Variants in EP300 observed in about 807,000 individuals in gnomAD.
The protein encoded by EP300 is EP300 lysine acetyltransferase.
In EP300, 31 loss-of-function variants were observed where a neutral mutation model predicts 264.0. The ratio of observed to expected loss-of-function variants is 0.12; its 90% confidence interval spans 0.09 to 0.16. The LOEUF (loss-of-function observed/expected upper bound fraction) is 0.16, where lower values mean the gene tolerates loss of function less well. EP300 is among the 10% of genes least tolerant of loss of function. The pLI is 1.00. For missense variants in EP300, 2,766 were observed against 3,052.9 expected (o/e 0.91, Z 2.21); for synonymous variants, 1,340 against 1,045.4 (o/e 1.28, Z -5.44).
At chr22:41,164,927 G>T (rs2059126329) in intron 22 of EP300, among the ~76,000 whole-genome samples, 1 of 152,122 alleles carries the variant, frequency 6.6e-6, no homozygotes. Context: ...AAGGAAGCGG[G>T]TATATGGGAC....
chr22:41,167,040 G>A (rs771719034), intron 23 of EP300, among the ~76,000 whole-genome samples: 1 of 152,124 alleles, frequency 6.6e-6, no homozygotes. Flanking sequence ...CTGTCCCCCA[G>A]GCTGCACAGT....
At chr22:41,153,552 C>A (rs921077765) in intron 16 of EP300, among the ~76,000 whole-genome samples, 5 of 152,044 alleles carry the variant, frequency 3.3e-5, no homozygotes, top group African/African-American at 9.7e-5. Flanking sequence ...GAGTTCAAGA[C>A]CAGCCTGGCC....
intron 10 of EP300, among the ~76,000 whole-genome samples, chr22:41,143,397 A>G (rs2058993686): frequency 6.6e-6 from 1 of 152,224 alleles, no homozygotes; most frequent in Non-Finnish European, 1.5e-5. Flanking sequence ...GGCTGCAGTG[A>G]GCTGTGATTG....
At chr22:41,116,054 TGGG>T in intron 1 of EP300, among the ~76,000 whole-genome samples, 1 of 152,026 alleles carries the variant, frequency 6.6e-6, no homozygotes, top group Non-Finnish European at 1.5e-5. Flanking sequence ...CTAAGGAACT[TGGG>T]AATATTAATA....
At position 41,156,271 on chromosome 22, in the gene EP300, C is replaced by T. The variant is rs569305030; in HGVS notation, c.3262-898C>T. On this transcript the variant is annotated intron_variant, in intron 17 of 30. Coordinates refer to ENST00000263253, the MANE Select transcript of EP300 (RefSeq NM_001429.4). ...CAGATGATCCACCCACCTCGGCCTC[C>T]CAGAATGCCCAGATTACAGGCGTGA... 1.3e-5 allele frequency among the ~76,000 whole-genome samples: 2 copies of T among 152,248 alleles called. 1 individual carries two copies. The highest frequency in any genetic ancestry group is 4.1e-4 in the South Asian group (2 of 4,826).
intron 22 of EP300, 53 bp downstream of exon 22, chr22:41,164,183 A>T: frequency 6.6e-7 from 1 of 1,517,006 alleles, no homozygotes; most frequent in Non-Finnish European, 9.2e-7. Flanking sequence ...CGTGAATATT[A>T]ACAAGTTTTT....
intron 14 of EP300, 24 bp downstream of exon 14, chr22:41,150,222 C>T: frequency 6.3e-7 from 1 of 1,585,280 alleles, no homozygotes; most frequent in Non-Finnish European, 8.6e-7. Context: ...TGGATTTAGG[C>T]AGAATCATTA....
chr22:41,178,891 G>A lies in EP300; in HGVS notation c.7180G>A (p.Gly2394Arg), dbSNP rs2145524582. Residue 2394 changes from glycine (G) to arginine (R), a missense_variant, in exon 31 of 31, where the codon GGA (glycine) becomes AGA (arginine). Transcript: ENST00000263253. Reference protein sequence around the residue: ...NLHGASATDLGLSTDNSDLNS... With the variant: ...NLHGASATDLRLSTDNSDLNS... ...CCATGGTGCAAGCGCCACGGACCTG[G>A]GACTCAGCACCGATAACTCAGACTT... 6.2e-7 allele frequency: 1 copy of A among 1,614,120 alleles called. No individual in the cohort carries two copies. Among genetic ancestry groups the A allele is most frequent in the Non-Finnish European group, 8.5e-7 (1 of 1,180,024 alleles).
At position 41,151,814 on chromosome 22, in the gene EP300, C is replaced by A. The variant is rs778273598; in HGVS notation, c.2818-19C>A. 1 of 1,613,586 alleles carries A rather than the reference C, an allele frequency of 6.2e-7. No individual in the cohort carries two copies. The highest frequency in any genetic ancestry group is 1.7e-5 in the Admixed American group (1 of 59,986). On this transcript the variant is annotated intron_variant, in intron 14 of 30. Transcript: ENST00000263253. ...GACTCTGCGTGTGTCTCACCTACTT[C>A]CCTTTTTTTTCTGCCCAGCTTTCCC... is the stretch of plus-strand genomic sequence containing the variant.
intron 19 of EP300, 198 bp from the exon 20 acceptor site, chr22:41,160,441 CAAA>C (rs914539587): frequency 2.6e-6 from 1 of 387,838 alleles, no homozygotes; most frequent in Non-Finnish European, 4.7e-6. Flanking sequence ...CAAAAAAAAA[CAAA>C]AAAACAAACA....
rs571261066 is a variant in EP300, at chr22:41,119,871, G to A, written c.729+2050G>A. ...TTGCTGTTGCCCATGCTGGAGTGCA[G>A]TGGCGTGATCTTGGATCACTGCAAC... is the stretch of plus-strand genomic sequence containing the variant. On this transcript the variant is annotated intron_variant, in intron 2 of 30. Coordinates refer to ENST00000263253, the MANE Select transcript of EP300 (RefSeq NM_001429.4). Among the ~76,000 whole-genome samples the A allele has an allele frequency of 3.3e-5, 5 of 152,274 alleles. No homozygotes were observed. The East Asian group carries it at 9.6e-4, about 29-fold the overall frequency.
chr22:41,154,878 G>C lies in EP300; in HGVS notation c.3143-117G>C, dbSNP rs1044996369. On this transcript the variant is annotated intron_variant, in intron 16 of 30. Transcript: ENST00000263253. ...CTGTAGTGATATTTCCATGGGGACA[G>C]AGTGGTTAATTTTGTTATTGATTCT... The C allele has an allele frequency of 8.1e-6, 6 of 742,940 alleles. No homozygotes were observed. The African/African-American group carries it at 8.7e-5, about 11-fold the overall frequency. 46.0% of individuals were successfully genotyped at this position (742,940 alleles called of 1,614,324 possible). A position where few individuals can be genotyped will look rare whatever the true frequency, so the allele number is the denominator to read the frequency against.
chr22:41,117,808 C>T lies in EP300; in HGVS notation c.716C>T (p.Pro239Leu). The change falls in exon 2 of 31, where the codon CCC becomes CTC. Residue 239 changes from proline to leucine, a missense_variant. By Grantham distance (98) the Pro-to-Leu change is moderately conservative (BLOSUM62 -3). Transcript: ENST00000263253. ...GGAGGACAAACAGGATTGAGAGGCC[C>T]CCAGCCTCTTAAGGTAAGTACAGTT... ...QMGGQTGLRG[P>L]QPLKMGMMNN... The T allele has an allele frequency of 1.9e-6, 3 of 1,614,010 alleles. No homozygotes were observed. Among genetic ancestry groups the T allele is most frequent in the East Asian group, 2.2e-5 (1 of 44,884 alleles).
intron 1 of EP300, among the ~76,000 whole-genome samples, chr22:41,102,592 G>T (rs1315040126): frequency 2.0e-5 from 3 of 152,162 alleles, no homozygotes; most frequent in Non-Finnish European, 2.9e-5. Context: ...GGATGGGGCA[G>T]AATTGTGCTT....
chr22:41,117,275 T>C lies in EP300; in HGVS notation c.183T>C (p.Ile61=), dbSNP rs1192337427. ...TELGLTNGGD[I]NQLQTSLGMV... ...TGGGACTAACCAATGGTGGTGATAT[T>C]AATCAGCTTCAGACAAGTCTTGGCA... Residue 61 remains isoleucine, a synonymous_variant, in exon 2 of 31, where the codon ATT becomes ATC. Transcript: ENST00000263253. 1 of 1,614,084 alleles carries C rather than the reference T, an allele frequency of 6.2e-7. No homozygotes were observed. Among genetic ancestry groups the C allele is most frequent in the African/African-American group, 1.3e-5 (1 of 74,920 alleles).
At chr22:41,138,557 T>C (rs1396319242) in intron 8 of EP300, among the ~76,000 whole-genome samples, 3 of 152,128 alleles carry the variant, frequency 2.0e-5, no homozygotes, top group Non-Finnish European at 2.9e-5. Context: ...TTTTGAGAAG[T>C]TGATATATTT....
intron 1 of EP300, among the ~76,000 whole-genome samples, chr22:41,112,931 T>G (rs1426320375): frequency 2.0e-5 from 3 of 152,080 alleles, no homozygotes; most frequent in Non-Finnish European, 4.4e-5. Context: ...CCTTCCCCCC[T>G]TTTTTGCTGG....
At position 41,131,285 on chromosome 22, in the gene EP300, A is replaced by G; in HGVS notation, c.1283-103A>G. 3.9e-6 allele frequency: 5 copies of G among 1,276,904 alleles called. 1 individual carries two copies. The South Asian group carries it at 4.8e-5, about 12-fold the overall frequency. 79.1% of individuals were successfully genotyped at this position (1,276,904 alleles called of 1,614,324 possible). A position where few individuals can be genotyped will look rare whatever the true frequency, so the allele number is the denominator to read the frequency against. ...CAAGATCCACATACTCAGATGTTTC[A>G]TAATCACGTAACAATAATTTTGTGG... On this transcript the variant is annotated intron_variant, in intron 5 of 30. Transcript: ENST00000263253.
chr22:41,156,446 C>T (rs2059077793), intron 17 of EP300, among the ~76,000 whole-genome samples: 1 of 152,158 alleles, frequency 6.6e-6, no homozygotes, highest in Non-Finnish European at 1.5e-5. Flanking sequence ...CTTGGCCGGG[C>T]ACGGTGGCTA....
Sources: allele counts gnomAD v4.1 joint callset (sites outside exome capture counted in the v4.1 genomes callset), GRCh38; gene constraint gnomAD v4.1.1; transcripts MANE v1.5; gene names NCBI Gene and HGNC (gene_info 2026-07-23, HGNC 2026-07-21).